Variants in IL1RAPL2 observed in about 807,000 individuals in gnomAD.
IL1RAPL2 encodes interleukin 1 receptor accessory protein like 2.
IL1RAPL2 carries 3 observed loss-of-function variants against 44.1 expected under a neutral mutation model. The ratio of observed to expected loss-of-function variants is 0.07; its 90% CI spans 0.03 to 0.18. The LOEUF (loss-of-function observed/expected upper bound fraction) is 0.18. Ranked by LOEUF, IL1RAPL2 falls within the 10% of genes least tolerant of loss-of-function variation. The pLI, the probability that IL1RAPL2 is intolerant of heterozygous loss-of-function variation, is 1.00. For missense variants in IL1RAPL2, 391 were observed against 496.4 expected, an observed-to-expected ratio of 0.79 and a Z score of 2.02; for synonymous variants, 181 against 178.8, an observed-to-expected ratio of 1.01 and a Z score of -0.10.
chrX:105,739,344 G>GATTT (rs200228386), intron 7 of IL1RAPL2, among the ~76,000 whole-genome samples: 16,118 of 108,445 alleles, frequency 0.15, 1,228 homozygotes, highest in South Asian at 0.28. Flanking sequence ...AATGTTTTAC[G>GATTT]ATTTATTTAT....
intron 2 of IL1RAPL2, among the ~76,000 whole-genome samples, chrX:104,700,713 G>A (rs758024928): frequency 2.1e-4 from 23 of 111,305 alleles, no homozygotes; most frequent in Non-Finnish European, 3.6e-4. Context: ...GGGTCATTTG[G>A]TATAAAAGAT....
chrX:105,004,547 T>C (rs2030908697), intron 2 of IL1RAPL2, among the ~76,000 whole-genome samples: 2 of 110,781 alleles, frequency 1.8e-5, no homozygotes, highest in South Asian at 7.7e-4. Flanking sequence ...TTCAGCAATA[T>C]AATTTCATTT....
At chrX:104,600,725 G>A (rs1008760725) in intron 1 of IL1RAPL2, among the ~76,000 whole-genome samples, 3 of 110,956 alleles carry the variant, frequency 2.7e-5, no homozygotes, top group Non-Finnish European at 3.8e-5. Context: ...ATATCCATGC[G>A]TACTCATTGG....
intron 2 of IL1RAPL2, among the ~76,000 whole-genome samples, chrX:104,952,396 C>A (rs1462067372): frequency 8.9e-6 from 1 of 111,892 alleles, no homozygotes; most frequent in Non-Finnish European, 1.9e-5. Flanking sequence ...ATTGGGCAGT[C>A]TCTGTGTATT....
At position 105,507,971 on chromosome X, in the gene IL1RAPL2, G is replaced by A. The variant is rs186165624; in HGVS notation, c.772+23584G>A. On this transcript the variant is annotated intron_variant, in intron 6 of 10. Transcript: ENST00000372582. ...CACATTGAGGGGAAACAGCTTTAGC[G>A]AAGGAGAAAATCCCTAATGAGATCC... 2.8e-3 allele frequency among the ~76,000 whole-genome samples: 306 copies of A among 111,057 alleles called. 2 individuals carry two copies. The highest frequency in any genetic ancestry group is 3.8e-3 in the Admixed American group (40 of 10,417).
chrX:105,437,564 T>C (rs2035890637), intron 5 of IL1RAPL2, among the ~76,000 whole-genome samples: 1 of 111,698 alleles, frequency 9.0e-6, no homozygotes, highest in Non-Finnish European at 1.9e-5. Flanking sequence ...TATTCCTAAT[T>C]GTATTTATTT....
At chrX:104,868,018 C>A (rs1922662897) in intron 2 of IL1RAPL2, among the ~76,000 whole-genome samples, 1 of 111,386 alleles carries the variant, frequency 9.0e-6, no homozygotes, top group African/African-American at 3.3e-5. Context: ...TGTAAAGGCA[C>A]TAGGTAGGGG....
intron 2 of IL1RAPL2, among the ~76,000 whole-genome samples, chrX:104,691,734 C>T (rs1931095038): frequency 8.9e-6 from 1 of 111,834 alleles, no homozygotes; most frequent in Non-Finnish European, 1.9e-5. Context: ...AGAGTTGAAA[C>T]AAGGACGCTA....
At chrX:105,450,727 A>G (rs1001870146) in intron 5 of IL1RAPL2, among the ~76,000 whole-genome samples, 8 of 112,059 alleles carry the variant, frequency 7.1e-5, no homozygotes, top group African/African-American at 2.3e-4. Context: ...TAGAATAATA[A>G]TCTCTTTCAT....
At chrX:105,147,747 T>C (rs759185984) in intron 2 of IL1RAPL2, among the ~76,000 whole-genome samples, 6 of 112,276 alleles carry the variant, frequency 5.3e-5, no homozygotes, top group Non-Finnish European at 9.4e-5. Context: ...CATCTGTTTA[T>C]GGACATCTAC....
intron 5 of IL1RAPL2, among the ~76,000 whole-genome samples, chrX:105,322,324 C>A (rs2034903051): frequency 8.9e-6 from 1 of 112,303 alleles, no homozygotes; most frequent in Non-Finnish European, 1.9e-5. Context: ...AACTTAATGG[C>A]TATTAAGCCA....
At chrX:105,613,322 C>T (rs948497212) in intron 6 of IL1RAPL2, among the ~76,000 whole-genome samples, 6 of 112,156 alleles carry the variant, frequency 5.3e-5, no homozygotes, top group Non-Finnish European at 1.1e-4. Context: ...TAATCAGCAG[C>T]GATATCCAGT....
At chrX:104,706,364 G>A (rs1352898559) in intron 2 of IL1RAPL2, among the ~76,000 whole-genome samples, 1 of 112,141 alleles carries the variant, frequency 8.9e-6, no homozygotes, top group Non-Finnish European at 1.9e-5. Context: ...CCACAATGTG[G>A]TGAGGTAAAT....
chrX:105,255,137 T>C (rs1227959844), intron 4 of IL1RAPL2, among the ~76,000 whole-genome samples: 10 of 111,888 alleles, frequency 8.9e-5, no homozygotes, highest in Admixed American at 4.8e-4. Context: ...CTTTGGGTAG[T>C]AGGGCTATAA....
intron 2 of IL1RAPL2, among the ~76,000 whole-genome samples, chrX:104,813,193 A>T (rs1029680748): frequency 9.0e-6 from 1 of 111,707 alleles, no homozygotes; most frequent in African/African-American, 3.3e-5. Context: ...TTATACAGGG[A>T]CCTCAAGGAT....
chrX:105,343,558 T>C (rs1250469226), intron 5 of IL1RAPL2, among the ~76,000 whole-genome samples: 3 of 112,086 alleles, frequency 2.7e-5, no homozygotes, highest in Non-Finnish European at 5.6e-5. Context: ...TATACCATGA[T>C]GGACATTTAA....
chrX:104,576,301 ATACT>A (rs1430635817), intron 1 of IL1RAPL2, among the ~76,000 whole-genome samples: 6 of 111,632 alleles, frequency 5.4e-5, no homozygotes, highest in Non-Finnish European at 1.1e-4. Flanking sequence ...AAAAGTATGT[ATACT>A]AAGAGTAGTA....
chrX:105,063,388 GT>G (rs2032098496), intron 2 of IL1RAPL2, among the ~76,000 whole-genome samples: 1 of 112,188 alleles, frequency 8.9e-6, no homozygotes, highest in African/African-American at 3.2e-5. Context: ...ACTTGTCTCT[GT>G]TTCTCAGGAT....
chrX:104,730,354 C>A (rs868401554), intron 2 of IL1RAPL2, among the ~76,000 whole-genome samples: 71 of 85,040 alleles, frequency 8.3e-4, no homozygotes, highest in Middle Eastern at 5.7e-3. Context: ...GGTGTATCTC[C>A]TAATGCTATC....
Sources: gnomAD v4.1 joint callset for allele counts (sites outside exome capture counted in the v4.1 genomes callset) on GRCh38, gnomAD v4.1.1 for gene constraint, MANE v1.5 for transcripts, NCBI Gene and HGNC (gene_info 2026-07-23, HGNC 2026-07-21) for gene names.